The following CFAP100 variants were observed in gnomAD, a reference collection of about 807,000 sequenced individuals.
The protein encoded by CFAP100 is cilia and flagella associated protein 100.
A neutral mutation model predicts 81.5 loss-of-function variants in CFAP100; 70 were observed. That is an observed-to-expected ratio of 0.86 (90% CI 0.71 to 1.05). The LOEUF is 1.05. CFAP100 is among the 50% of genes least tolerant of loss of function. CFAP100 has a pLI of 0.00. For synonymous variants in CFAP100, 341 were observed against 314.8 expected, an observed-to-expected ratio of 1.08 and a Z score of -0.88; for missense variants, 811 against 776.5, an observed-to-expected ratio of 1.04 and a Z score of -0.53.
chr3:126,435,732 C>T lies in CFAP100; in HGVS notation c.1722+80C>T, dbSNP rs552592938. 8.7e-6 allele frequency: 10 copies of T among 1,144,544 alleles called. No individual in the cohort carries two copies. The East Asian group carries it at 2.4e-4, about 28-fold the overall frequency. 70.9% of individuals were successfully genotyped at this position (1,144,544 alleles called of 1,614,324 possible). ...GCAGCTGAGGTCCTGCAGCCCAAGC[C>T]CCTGATGCTACCACTCTGAAGGCAT... On this transcript the variant is annotated intron_variant, in intron 16 of 16. Transcript: ENST00000352312.
intron 5 of CFAP100, chr3:126,418,187 G>C (rs2083271977): frequency 2.1e-6 from 1 of 473,906 alleles, no homozygotes; most frequent in Non-Finnish European, 3.8e-6. Context: ...CTGCAAGTGA[G>C]TGCTACAGCA....
intron 2 of CFAP100, among the ~76,000 whole-genome samples, chr3:126,406,067 C>T (rs1008945309): frequency 1.3e-5 from 2 of 152,170 alleles, no homozygotes; most frequent in African/African-American, 4.8e-5. Flanking sequence ...TAACCACATG[C>T]CTACTAAGAT....
chr3:126,430,533 CCTT>C (rs965825291), intron 13 of CFAP100, among the ~76,000 whole-genome samples: 4 of 151,574 alleles, frequency 2.6e-5, no homozygotes, highest in African/African-American at 9.8e-5. Context: ...TTCTCTCTCT[CCTT>C]TTCCTTGAAC....
At chr3:126,402,781 G>A (rs1487820023) in intron 2 of CFAP100, among the ~76,000 whole-genome samples, 1 of 151,598 alleles carries the variant, frequency 6.6e-6, no homozygotes, top group Non-Finnish European at 1.5e-5. Context: ...TGGTTAATAT[G>A]CCTGCCTTCC....
At chr3:126,408,596 C>A (rs1045492934) in intron 3 of CFAP100, among the ~76,000 whole-genome samples, 2 of 152,176 alleles carry the variant, frequency 1.3e-5, no homozygotes, top group African/African-American at 2.4e-5. Context: ...ATCCTTCCTG[C>A]CCTTGGACAT....
rs12631882 is a variant in CFAP100 at position 126,435,391 on chromosome 3, G to A, written c.1629-168G>A. Among the ~76,000 whole-genome samples the A allele has an allele frequency of 2.0e-3, 301 of 152,276 alleles. 2 individuals are homozygous for A. In the East Asian group the frequency reaches 0.038, roughly 19 times the overall value. ...CTAGGCCACCTTGGCCAAAAGCAGC[G>A]GTGCTTTGGCTGTGGATAGGTATTG... On this transcript the variant is annotated intron_variant, in intron 15 of 16. Transcript: ENST00000352312.
intron 3 of CFAP100, among the ~76,000 whole-genome samples, chr3:126,411,524 T>C (rs115078599): frequency 0.051 from 7,789 of 152,110 alleles, 279 homozygotes; most frequent in South Asian, 0.11. Context: ...AGAATTCAGC[T>C]GTGAATCCAT....
chr3:126,418,396 C>T, intron 5 of CFAP100, 62 bp from the exon 6 acceptor site: 1 of 1,519,048 alleles, frequency 6.6e-7, no homozygotes, highest in Non-Finnish European at 9.1e-7. Flanking sequence ...CTCTGCAGAC[C>T]TGCCAGGCCC....
Position 126,419,170 on chromosome 3 carries a change from G to C in CFAP100, c.731+14G>C. 1 of 1,526,206 alleles carries C rather than the reference G, an allele frequency of 6.6e-7. No individual in the cohort carries two copies. The highest frequency in any genetic ancestry group is 8.8e-7 in the Non-Finnish European group (1 of 1,130,830). The allele number at this position is 1,526,206 out of a possible 1,614,324, so 94.5% of individuals were successfully genotyped here. On this transcript the variant is annotated intron_variant, in intron 8 of 16. Transcript: ENST00000352312. Reference sequence around the variant, plus strand: ...TAATATCAAAAGGTGAGGTCAGAGGGCATGCTGGCCATTGGCTGGCCCACC... The same window carrying C: ...TAATATCAAAAGGTGAGGTCAGAGGCCATGCTGGCCATTGGCTGGCCCACC...
chr3:126,427,701 C>T (rs1476576103), intron 13 of CFAP100, among the ~76,000 whole-genome samples: 3 of 152,206 alleles, frequency 2.0e-5, no homozygotes, highest in African/African-American at 7.2e-5. Context: ...TCCTCTTGCT[C>T]CAAATCCTTG....
chr3:126,434,259 C>A lies in CFAP100; in HGVS notation c.1506C>A (p.Gly502=). 6.2e-7 allele frequency: 1 copy of A among 1,614,034 alleles called. No homozygotes were observed. Among genetic ancestry groups the A allele is most frequent in the Non-Finnish European group, 8.5e-7 (1 of 1,180,012 alleles). ...CTGTQQEANL[G]TVQMLTIIEH... is the part of the protein sequence containing the mutation. ...GCACCCAGCAGGAGGCCAACCTGGG[C>A]ACCGTGCAGATGCTGACCATCATTG... is the stretch of plus-strand genomic sequence containing the variant. The change falls in exon 15 of 17, where the codon GGC becomes GGA. Residue 502 remains glycine, a synonymous_variant. Coordinates refer to ENST00000352312, the MANE Select transcript of CFAP100 (RefSeq NM_182628.3).
intron 16 of CFAP100, among the ~76,000 whole-genome samples, chr3:126,435,944 A>T (rs534018966): frequency 6.6e-6 from 1 of 151,550 alleles, no homozygotes; most frequent in South Asian, 2.1e-4. Context: ...CACCCTACCC[A>T]CACTCCGGCC....
At chr3:126,424,516 CT>C (rs1054393122) in intron 13 of CFAP100, among the ~76,000 whole-genome samples, 4 of 152,226 alleles carry the variant, frequency 2.6e-5, no homozygotes, top group African/African-American at 9.6e-5. Flanking sequence ...GGGTACCTGC[CT>C]CCAGGAGAAC....
At chr3:126,434,670 G>T in intron 15 of CFAP100, 1 of 377,474 alleles carries the variant, frequency 2.6e-6, no homozygotes, top group Non-Finnish European at 4.9e-6. Flanking sequence ...TTAGAGTGTG[G>T]CTAGCACGGT....
At position 126,423,492 on chromosome 3, in the gene CFAP100, G is replaced by A; in HGVS notation, c.1135-1G>A. ...TCCCTGCCAAAACCTGTGGGTTGCA[G>A]GAACCACAGCTGTACTTCACGGAGC... On this transcript the variant is annotated splice_acceptor_variant, in intron 12 of 16. Coordinates refer to ENST00000352312, the MANE Select transcript of CFAP100 (RefSeq NM_182628.3). LOFTEE classifies it high-confidence loss of function. 1.2e-6 allele frequency: 2 copies of A among 1,614,056 alleles called. No homozygotes were observed. The highest frequency in any genetic ancestry group is 1.7e-6 in the Non-Finnish European group (2 of 1,179,980).
intron 2 of CFAP100, among the ~76,000 whole-genome samples, chr3:126,398,308 C>A (rs1046026815): frequency 6.6e-6 from 1 of 152,182 alleles, no homozygotes; most frequent in African/African-American, 2.4e-5. Context: ...CAGGAGAGGG[C>A]CTGCGGCTGG....
Position 126,409,572 on chromosome 3 carries a change from G to A in CFAP100, c.130+2320G>A, listed in dbSNP as rs1576624150. On this transcript the variant is annotated intron_variant, in intron 3 of 16. Transcript: ENST00000352312. ...TTCACAGTCCCACCAACAGGCATATGACTTCCAGTTGTTCTGTGTCCTCTC... is the reference window on the plus strand; with the variant it reads ...TTCACAGTCCCACCAACAGGCATATAACTTCCAGTTGTTCTGTGTCCTCTC... Among the ~76,000 whole-genome samples, 5 of 152,332 alleles carry A rather than the reference G, an allele frequency of 3.3e-5. No homozygotes were observed. In the South Asian group the frequency reaches 1.0e-3, roughly 32 times the overall value.
chr3:126,426,723 C>G (rs1467580007), intron 13 of CFAP100, among the ~76,000 whole-genome samples: 2 of 152,144 alleles, frequency 1.3e-5, no homozygotes, highest in Admixed American at 1.3e-4. Flanking sequence ...GCACTCCAGC[C>G]TGGTGACAGA....
Position 126,436,501 on chromosome 3 carries a change from C to G in CFAP100, c.*97C>G, listed in dbSNP as rs1255509127. On this transcript the variant is annotated 3_prime_UTR_variant, in exon 17 of 17. Coordinates refer to ENST00000352312, the MANE Select transcript of CFAP100 (RefSeq NM_182628.3). ...GGGTCTCGAGTGGCCCAACTGAGTC[C>G]TCTCTGTCTCCTGTGTGCTCCCTTC... 3 of 805,954 alleles carry G rather than the reference C, an allele frequency of 3.7e-6. No homozygotes were observed. The South Asian group carries it at 4.7e-5, about 13-fold the overall frequency. 49.9% of individuals were successfully genotyped at this position (805,954 alleles called of 1,614,324 possible).
Sources: gnomAD v4.1 joint callset for allele counts (sites outside exome capture counted in the v4.1 genomes callset) on GRCh38, gnomAD v4.1.1 for gene constraint, MANE v1.5 for transcripts, NCBI Gene and HGNC (gene_info 2026-07-23, HGNC 2026-07-21) for gene names.